The following SYT12 variants were observed in gnomAD, a reference collection of about 807,000 sequenced individuals.
SYT12 encodes synaptotagmin 12.
Under a neutral mutation model 39.5 loss-of-function variants are expected in SYT12, and 27 were observed. The observed-to-expected ratio is 0.68, with a 90% CI of 0.50 to 0.94. The LOEUF is 0.94. SYT12 is among the 40% of genes least tolerant of loss of function. The probability of loss-of-function intolerance (pLI) is 0.00; values close to 1 mark genes in which losing one functional copy is unlikely to be tolerated. For missense variants in SYT12, 536 were observed against 572.6 expected (o/e 0.94, Z 0.65); for synonymous variants, 233 against 239.7 (o/e 0.97, Z 0.26).
chr11:67,015,727 A>C (rs1437469196), intron 3 of SYT12, among the ~76,000 whole-genome samples: 1 of 152,178 alleles, frequency 6.6e-6, no homozygotes, highest in African/African-American at 2.4e-5. Flanking sequence ...GACACTTCCC[A>C]GCTGTTGTGG....
At chr11:67,044,539 G>A in intron 5 of SYT12, 54 bp from the exon 6 acceptor site, 1 of 1,588,984 alleles carries the variant, frequency 6.3e-7, no homozygotes, top group East Asian at 2.3e-5. Flanking sequence ...GCTTTCCCTG[G>A]ACCCCTCAAG....
At chr11:67,047,147 T>C (rs2136235271) in intron 7 of SYT12, among the ~76,000 whole-genome samples, 1 of 152,070 alleles carries the variant, frequency 6.6e-6, no homozygotes, top group South Asian at 2.1e-4. Context: ...GTATTTTTAG[T>C]AGAGATGGGG....
intron 2 of SYT12, among the ~76,000 whole-genome samples, 154 bp from the exon 3 acceptor site, chr11:67,034,491 A>G (rs1055808394): frequency 6.6e-6 from 1 of 152,244 alleles, no homozygotes; most frequent in Non-Finnish European, 1.5e-5. Flanking sequence ...GCAACACAGG[A>G]AAGTGTATGT....
At chr11:67,034,624 G>A (rs375645890) in intron 2 of SYT12, 21 bp from the exon 3 acceptor site, 7 of 1,570,154 alleles carry the variant, frequency 4.5e-6, no homozygotes, top group African/African-American at 4.2e-5. Context: ...GCCCTAATGA[G>A]AGGCTGCCCT....
At chr11:67,032,431 A>T (rs1308425347) in intron 2 of SYT12, 2 of 152,190 alleles carry the variant, frequency 1.3e-5, no homozygotes, top group African/African-American at 4.8e-5. Flanking sequence ...GGACCGCTGG[A>T]TGGGGGATGT....
chr11:67,038,110 T>A (rs976771975), intron 3 of SYT12, among the ~76,000 whole-genome samples: 4 of 151,778 alleles, frequency 2.6e-5, no homozygotes, highest in African/African-American at 9.7e-5. Flanking sequence ...GTTCTTGTTT[T>A]CTCAAATCCC....
upstream of SYT12, among the ~76,000 whole-genome samples, chr11:67,019,939 A>G (rs1422689676): frequency 2.0e-5 from 3 of 150,388 alleles, no homozygotes; most frequent in African/African-American, 7.3e-5. Flanking sequence ...CTGGAGCACT[A>G]GTCTTGGGGC....
At chr11:67,014,653 A>G (rs1950039227) in intron 3 of SYT12, among the ~76,000 whole-genome samples, 1 of 152,056 alleles carries the variant, frequency 6.6e-6, no homozygotes, top group Non-Finnish European at 1.5e-5. Flanking sequence ...CAGTGGAGGT[A>G]GGACTGGGGT....
rs867249167 is a variant in SYT12 at position 67,023,261 on chromosome 11, C to T, written c.-223C>T. The T allele has an allele frequency of 6.7e-6, 1 of 150,072 alleles. No homozygotes were observed. The highest frequency in any genetic ancestry group is 2.4e-5 in the African/African-American group (1 of 41,208). The allele number at this position is 150,072 out of a possible 1,614,324, so 9.3% of individuals were successfully genotyped here. ...GCGGGCTCCTGGGAGCGTGCCCGGACTGCGGCGCAGCTCCGGTCCGCCGCC... is the reference window on the plus strand; with the variant it reads ...GCGGGCTCCTGGGAGCGTGCCCGGATTGCGGCGCAGCTCCGGTCCGCCGCC... On this transcript the variant is annotated 5_prime_UTR_variant, in exon 1 of 8. Transcript: ENST00000527043.
At chr11:67,025,884 G>A (rs1950174522) in intron 1 of SYT12, among the ~76,000 whole-genome samples, 1 of 152,092 alleles carries the variant, frequency 6.6e-6, no homozygotes, top group Admixed American at 6.5e-5. Context: ...ACTGCTAATG[G>A]AAGAGGGGCT....
intron 2 of SYT12, among the ~76,000 whole-genome samples, chr11:67,034,343 C>T (rs1039046299): frequency 1.3e-5 from 2 of 152,042 alleles, no homozygotes; most frequent in African/African-American, 4.8e-5. Flanking sequence ...TTTTGCGGGC[C>T]GACATGATGC....
intron 3 of SYT12, among the ~76,000 whole-genome samples, chr11:67,015,106 TAC>T (rs1950046473): frequency 6.6e-6 from 1 of 152,170 alleles, no homozygotes; most frequent in African/African-American, 2.4e-5. Context: ...TCTGGCCCCT[TAC>T]TTTCCCACAA....
intron 7 of SYT12, among the ~76,000 whole-genome samples, chr11:67,047,740 C>G (rs1289224627): frequency 7.7e-6 from 1 of 129,980 alleles, no homozygotes; most frequent in Non-Finnish European, 1.6e-5. Context: ...GTCAGGAGTT[C>G]AAGACCAGCC....
Position 67,034,625 on chromosome 11 carries a change from A to C in SYT12, c.35-20A>C. ...GTATCCACTAGGAAGCCCTAATGAG[A>C]GGCTGCCCTTGCCTTGCAGTCATCA... is the stretch of plus-strand genomic sequence containing the variant. On this transcript the variant is annotated intron_variant, in intron 2 of 7. Transcript: ENST00000527043. The C allele has an allele frequency of 6.4e-7, 1 of 1,572,164 alleles. No individual in the cohort carries two copies. Among genetic ancestry groups the C allele is most frequent in the Admixed American group, 2.0e-5 (1 of 48,880 alleles).
chr11:67,034,841 G>A lies in SYT12; in HGVS notation c.228+3G>A, dbSNP rs749456332. 1.1e-5 allele frequency: 17 copies of A among 1,532,592 alleles called. No individual in the cohort carries two copies. In the South Asian group the frequency reaches 1.9e-4, roughly 17 times the overall value. The allele number at this position is 1,532,592 out of a possible 1,614,324, so 94.9% of individuals were successfully genotyped here. On this transcript the variant is annotated splice_donor_region_variant and intron_variant, in intron 3 of 7. Transcript: ENST00000527043. ...GCTGCGCAGAGGCCAGGGAGAAGGT[G>A]AGGCTTCTGCTCCTGCAGGTGCACA...
chr11:67,043,961 C>A, intron 5 of SYT12, 108 bp downstream of exon 5: 1 of 1,070,926 alleles, frequency 9.3e-7, no homozygotes, highest in Non-Finnish European at 1.4e-6. Flanking sequence ...TGAGCCCCAT[C>A]ATCATTAGGA....
intron 3 of SYT12, among the ~76,000 whole-genome samples, chr11:67,015,165 A>C (rs1036855016): frequency 1.3e-5 from 2 of 152,102 alleles, no homozygotes; most frequent in Non-Finnish European, 2.9e-5. Flanking sequence ...CTCCTTCTTA[A>C]GCTTCCCCCA....
chr11:67,047,719 G>A (rs188420923), intron 7 of SYT12, among the ~76,000 whole-genome samples: 2,015 of 142,730 alleles, frequency 0.014, 26 homozygotes, highest in Non-Finnish European at 0.021. Context: ...GAGGTGGGAG[G>A]ATCACCTGAG....
intron 6 of SYT12, among the ~76,000 whole-genome samples, chr11:67,045,249 G>A (rs1441723172): frequency 1.4e-5 from 2 of 144,230 alleles, no homozygotes; most frequent in East Asian, 4.5e-4. Context: ...GGCTGGGGGA[G>A]CCTGATCTAT....
Sources: allele counts gnomAD v4.1 joint callset (sites outside exome capture counted in the v4.1 genomes callset), GRCh38; gene constraint gnomAD v4.1.1; transcripts MANE v1.5; gene names NCBI Gene and HGNC (gene_info 2026-07-23, HGNC 2026-07-21).